Variants in USP6 observed in about 807,000 individuals in gnomAD.
The protein encoded by USP6 is ubiquitin specific peptidase 6.
A neutral mutation model predicts 175.7 loss-of-function variants in USP6; 128 were observed. The ratio of observed to expected loss-of-function variants is 0.73; its 90% CI spans 0.63 to 0.84. USP6 has a LOEUF of 0.84. Ranked by LOEUF, USP6 falls within the 40% of genes least tolerant of loss-of-function variation. The probability of loss-of-function intolerance (pLI) is 0.00; values close to 1 mark genes in which losing one functional copy is unlikely to be tolerated. For missense variants in USP6, 1,498 were observed against 1,760.3 expected (o/e 0.85, Z 2.67); for synonymous variants, 562 against 630.6 (o/e 0.89, Z 1.63).
intron 2 of USP6, among the ~76,000 whole-genome samples, chr17:5,119,935 C>G (rs898927229): frequency 2.0e-5 from 3 of 152,114 alleles, no homozygotes; most frequent in African/African-American, 7.2e-5. Context: ...TCCACCCCAC[C>G]TCTCTGCCCC....
chr17:5,137,016 A>G, intron 18 of USP6, 105 bp from the exon 19 acceptor site: 2 of 1,322,072 alleles, frequency 1.5e-6, no homozygotes, highest in East Asian at 2.3e-5. Flanking sequence ...AGTTCTGGAC[A>G]CCGCCCAGTG....
intron 31 of USP6, among the ~76,000 whole-genome samples, chr17:5,157,409 T>A (rs2073907519): frequency 6.6e-6 from 1 of 152,200 alleles, no homozygotes; most frequent in South Asian, 2.1e-4. Flanking sequence ...TAAATAATTA[T>A]TTAAAGTATT....
chr17:5,140,742 T>C (rs549850237), intron 22 of USP6, among the ~76,000 whole-genome samples: 1 of 152,208 alleles, frequency 6.6e-6, no homozygotes, highest in African/African-American at 2.4e-5. Context: ...TCATGCCTCT[T>C]CAGCTTCCTG....
At chr17:5,118,694 A>G (rs556884075) in intron 2 of USP6, among the ~76,000 whole-genome samples, 3 of 152,316 alleles carry the variant, frequency 2.0e-5, no homozygotes, top group South Asian at 4.1e-4. Flanking sequence ...TGTGTGGAGC[A>G]CTTGAAGGAT....
chr17:5,150,899 T>G (rs759298682), intron 30 of USP6, among the ~76,000 whole-genome samples: 13 of 152,284 alleles, frequency 8.5e-5, no homozygotes, highest in Non-Finnish European at 1.8e-4. Flanking sequence ...TTCTTGTCTC[T>G]TCTAACCTCT....
chr17:5,166,721 A>G (rs2074103442), intron 33 of USP6, among the ~76,000 whole-genome samples: 1 of 152,016 alleles, frequency 6.6e-6, no homozygotes, highest in Non-Finnish European at 1.5e-5. Context: ...GAAGGATCCC[A>G]GCTCTATGGT....
At chr17:5,155,234 G>A (rs1273096389) in intron 30 of USP6, among the ~76,000 whole-genome samples, 188 bp from the exon 31 acceptor site, 1 of 152,176 alleles carries the variant, frequency 6.6e-6, no homozygotes, top group Non-Finnish European at 1.5e-5. Context: ...ATACCTCAGC[G>A]CTTTTAATGA....
rs201690361 is a variant in USP6, at chr17:5,132,970, A to G, written c.256A>G (p.Thr86Ala). 1 of 1,614,094 alleles carries G rather than the reference A, an allele frequency of 6.2e-7. No individual in the cohort carries two copies. The highest frequency in any genetic ancestry group is 8.5e-7 in the Non-Finnish European group (1 of 1,179,984). Residue 86 changes from threonine to alanine, a missense_variant, in exon 13 of 38, where the codon ACA becomes GCA. Coordinates refer to ENST00000574788, the MANE Select transcript of USP6 (RefSeq NM_001304284.2). The surrounding 1 kb of genome is among the most constrained non-coding windows in gnomAD (Gnocchi z 4.7). ...GATGGAAATGCTGGGAGAATGGGAGACATATAAGCACAGTAGCAAAGTAAT... is the reference window on the plus strand; with the variant it reads ...GATGGAAATGCTGGGAGAATGGGAGGCATATAAGCACAGTAGCAAAGTAAT... ...KWMEMLGEWE[T>A]YKHSSKLIDR...
rs569771580 is a variant in USP6, at chr17:5,117,510, C to T, written c.-1927-690C>T. Among the ~76,000 whole-genome samples the T allele has an allele frequency of 9.0e-5, 13 of 144,342 alleles. No homozygotes were observed. In the South Asian group the frequency reaches 2.0e-3, roughly 22 times the overall value. 94.7% of individuals were successfully genotyped at this position (144,342 alleles called of 152,430 possible). The stretch of plus-strand genomic sequence containing the variant: ...CAGCCTGGGCGACAGAGCGAGACTC[C>T]GTCTCAAAAAAAAAAAAAAAAAGCT... On this transcript the variant is annotated intron_variant, in intron 1 of 37. Transcript: ENST00000574788.
At chr17:5,130,342 A>T in intron 9 of USP6, 25 bp from the exon 10 acceptor site, 1 of 1,613,510 alleles carries the variant, frequency 6.2e-7, no homozygotes. Context: ...GTACAGTGTA[A>T]CCTTTAGACA....
Position 5,174,576 on chromosome 17 carries a change from GTTTCAAGA to G in USP6, c.*1602_*1609del, listed in dbSNP as rs1457315316. The G allele has an allele frequency of 5.2e-6, 1 of 193,426 alleles. No homozygotes were observed. The highest frequency in any genetic ancestry group is 2.3e-5 in the African/African-American group (1 of 43,068). 12.0% of individuals were successfully genotyped at this position (193,426 alleles called of 1,614,324 possible). On this transcript the variant is annotated 3_prime_UTR_variant, in exon 38 of 38. Transcript: ENST00000574788. ...AGTCAGACAAAATGCACACTTTATAGTTTCAAGATTTTCAGTAAATAAAATCTGTCCAT... is the reference window on the plus strand; with the variant it reads ...AGTCAGACAAAATGCACACTTTATAGTTTTCAGTAAATAAAATCTGTCCAT...
chr17:5,143,995 T>A (rs1004439215), intron 25 of USP6, among the ~76,000 whole-genome samples: 1 of 152,120 alleles, frequency 6.6e-6, no homozygotes, highest in African/African-American at 2.4e-5. Context: ...TAATATCACA[T>A]GTAGTAGATT....
chr17:5,159,102 G>T (rs772950691), intron 31 of USP6, among the ~76,000 whole-genome samples: 14 of 152,228 alleles, frequency 9.2e-5, no homozygotes, highest in Admixed American at 3.9e-4. Flanking sequence ...TGGAATTAAG[G>T]GTCTATGTAG....
intron 30 of USP6, among the ~76,000 whole-genome samples, chr17:5,152,631 A>G (rs948200660): frequency 3.9e-5 from 6 of 152,232 alleles, no homozygotes; most frequent in African/African-American, 1.4e-4. Flanking sequence ...AGGAATGAAA[A>G]TGAATGGATT....
chr17:5,136,186 C>T (rs947338825), intron 17 of USP6, among the ~76,000 whole-genome samples: 10 of 152,340 alleles, frequency 6.6e-5, no homozygotes, highest in Middle Eastern at 3.4e-3. Flanking sequence ...CCACATCCTC[C>T]GGCTCTGATT....
intron 13 of USP6, 65 bp from the exon 14 acceptor site, chr17:5,133,378 C>T (rs1381456603): frequency 2.0e-6 from 3 of 1,503,764 alleles, no homozygotes; most frequent in South Asian, 1.1e-5. Context: ...TCCAGAATCC[C>T]CAGGCTCTGG....
In USP6 at chr17:5,161,789, G is replaced by T. The variant is rs575564485; in HGVS notation, c.2915+175G>T. Among the ~76,000 whole-genome samples, 291 of 152,358 alleles carry T rather than the reference G, an allele frequency of 1.9e-3. 1 individual carries two copies. The highest frequency in any genetic ancestry group is 6.7e-3 in the African/African-American group (280 of 41,588). On this transcript the variant is annotated intron_variant, in intron 32 of 37. Transcript: ENST00000574788. ...CCATCACTTTGAGAAGCCGAGGCGGGTGGATCACCTGAGATCAGGAGTTTG... is the reference window on the plus strand; with the variant it reads ...CCATCACTTTGAGAAGCCGAGGCGGTTGGATCACCTGAGATCAGGAGTTTG...
chr17:5,128,049 G>A (rs1228828575), intron 7 of USP6, among the ~76,000 whole-genome samples: 3 of 152,214 alleles, frequency 2.0e-5, no homozygotes, highest in East Asian at 1.9e-4. Context: ...TGATCAGGGG[G>A]ACCCTGCACT....
intron 30 of USP6, among the ~76,000 whole-genome samples, chr17:5,149,200 C>T (rs570122938): frequency 2.0e-5 from 3 of 152,068 alleles, no homozygotes; most frequent in African/African-American, 2.4e-5. Context: ...GTCAGGAGTT[C>T]GAGAACAGCC....
Sources: gnomAD v4.1 joint callset for allele counts (sites outside exome capture counted in the v4.1 genomes callset) on GRCh38, gnomAD v4.1.1 for gene constraint, Gnocchi (gnomAD v3.1) non-coding constraint, MANE v1.5 for transcripts, NCBI Gene and HGNC (gene_info 2026-07-23, HGNC 2026-07-21) for gene names.